TRAK2: variants seen among roughly 807,000 people sequenced by gnomAD.
The protein encoded by TRAK2 is trafficking kinesin protein 2.
Under a neutral mutation model 104.6 loss-of-function variants are expected in TRAK2, and 81 were observed. That is an observed-to-expected ratio of 0.77 (90% CI 0.65 to 0.93). The LOEUF (loss-of-function observed/expected upper bound fraction) is 0.93, where lower values mean the gene tolerates loss of function less well. TRAK2 is among the 40% of genes least tolerant of loss of function. The pLI is 0.00. For synonymous variants in TRAK2, 406 were observed against 394.4 expected (o/e 1.03, Z -0.35); for missense variants, 1,002 against 1,089.0 (o/e 0.92, Z 1.12).
intron 1 of TRAK2, among the ~76,000 whole-genome samples, chr2:201,426,043 G>A (rs1261645745): frequency 6.6e-6 from 1 of 152,016 alleles, no homozygotes; most frequent in Non-Finnish European, 1.5e-5. Flanking sequence ...TTCGCCTAAG[G>A]ACTCTACATC....
chr2:201,402,622 T>C (rs1218305054), intron 3 of TRAK2, among the ~76,000 whole-genome samples: 1 of 152,158 alleles, frequency 6.6e-6, no homozygotes, highest in Non-Finnish European at 1.5e-5. Flanking sequence ...CACAATATAA[T>C]TTGGTAGCAT....
At chr2:201,415,991 G>A (rs943856124) in intron 2 of TRAK2, among the ~76,000 whole-genome samples, 2 of 152,012 alleles carry the variant, frequency 1.3e-5, no homozygotes, top group Non-Finnish European at 2.9e-5. Flanking sequence ...CACTTGAAAT[G>A]AAATTATTCA....
chr2:201,412,932 G>C (rs1418064334), intron 2 of TRAK2: 3 of 777,640 alleles, frequency 3.9e-6, no homozygotes, highest in Non-Finnish European at 7.1e-6. Context: ...CAAGAACACT[G>C]GCTAAACTGG....
intron 1 of TRAK2, among the ~76,000 whole-genome samples, chr2:201,442,247 T>G (rs529879122): frequency 6.6e-6 from 1 of 151,246 alleles, no homozygotes; most frequent in African/African-American, 2.4e-5. Context: ...AAAAATTAGC[T>G]GGGCAAGGTG....
chr2:201,413,438 G>T (rs1951665787), intron 2 of TRAK2: 2 of 440,144 alleles, frequency 4.5e-6, no homozygotes, highest in Non-Finnish European at 8.0e-6. Flanking sequence ...GCAGCTGGAG[G>T]AGGGAAAGGG....
At chr2:201,381,448 G>T (rs1345764562) in intron 15 of TRAK2, among the ~76,000 whole-genome samples, 2 of 152,036 alleles carry the variant, frequency 1.3e-5, no homozygotes, top group Non-Finnish European at 2.9e-5. Flanking sequence ...CTTATTAAAA[G>T]ATATTTCTTT....
intron 2 of TRAK2, among the ~76,000 whole-genome samples, chr2:201,409,848 TTAAAA>T (rs1951628704): frequency 6.6e-6 from 1 of 152,248 alleles, no homozygotes; most frequent in African/African-American, 2.4e-5. Flanking sequence ...CATGTGGTAC[TTAAAA>T]TAGATGAGCT....
rs1951340194 is a variant in TRAK2, at chr2:201,381,129, C to A, written c.2159G>T (p.Ser720Ile). ...TCGGTTGGTGATGGACTCACCAATG[C>A]TGAGTCTATAGGACAAGGCAGGAGA... ...VNSPALSYRLSIGESITNRRD... is the reference protein window; with the variant it reads ...VNSPALSYRLIIGESITNRRD... Residue 720 changes from serine to isoleucine, a missense_variant, in exon 16 of 16, where the codon AGC becomes ATC. By Grantham distance (142) the Ser-to-Ile change is moderately radical (BLOSUM62 -2). Coordinates refer to ENST00000332624, the MANE Select transcript of TRAK2 (RefSeq NM_015049.3). The A allele has an allele frequency of 6.2e-7, 1 of 1,613,584 alleles. No homozygotes were observed. The highest frequency in any genetic ancestry group is 8.5e-7 in the Non-Finnish European group (1 of 1,179,904).
chr2:201,412,078 A>AG (rs36019823), intron 2 of TRAK2: 9 of 1,126,206 alleles, frequency 8.0e-6, no homozygotes, highest in Middle Eastern at 2.0e-4. Context: ...GCTTAAACAC[A>AG]GGGCCAAGTT....
chr2:201,410,854 G>A (rs775799327), intron 2 of TRAK2: 108 of 1,593,952 alleles, frequency 6.8e-5, no homozygotes, highest in Admixed American at 1.0e-4. Flanking sequence ...GGTTGGCTTC[G>A]CACCAGCAGG....
At chr2:201,409,422 G>C (rs902518933) in intron 2 of TRAK2, among the ~76,000 whole-genome samples, 2 of 152,108 alleles carry the variant, frequency 1.3e-5, no homozygotes, top group Admixed American at 1.3e-4. Flanking sequence ...TCAGAAGTTT[G>C]AATTTGAAAT....
chr2:201,399,777 C>A (rs141091460), intron 4 of TRAK2, among the ~76,000 whole-genome samples: 1 of 151,958 alleles, frequency 6.6e-6, no homozygotes, highest in East Asian at 1.9e-4. Context: ...GTCTAGCAAC[C>A]CAAACTTTAA....
intron 13 of TRAK2, among the ~76,000 whole-genome samples, chr2:201,387,114 A>G (rs143920771): frequency 6.6e-6 from 1 of 152,232 alleles, no homozygotes; most frequent in Non-Finnish European, 1.5e-5. Flanking sequence ...AGGGGTCTTT[A>G]TAAGTTACAC....
chr2:201,403,897 C>T lies in TRAK2; in HGVS notation c.287-2803G>A, dbSNP rs544016544. Among the ~76,000 whole-genome samples, 3 of 152,228 alleles carry T rather than the reference C, an allele frequency of 2.0e-5. No individual in the cohort carries two copies. In the East Asian group the frequency reaches 5.8e-4, roughly 29 times the overall value. On this transcript the variant is annotated intron_variant, in intron 3 of 15. Coordinates refer to ENST00000332624, the MANE Select transcript of TRAK2 (RefSeq NM_015049.3). ...CAAATTCTTATGTCGAATGCGCAAC[C>T]TAGATACTACCAATCCACAAAGGCT...
chr2:201,408,113 ATC>A (rs1314788733), intron 2 of TRAK2, among the ~76,000 whole-genome samples: 1 of 152,164 alleles, frequency 6.6e-6, no homozygotes, highest in Admixed American at 6.5e-5. Context: ...GTAATTTTGT[ATC>A]TGTTAACTAA....
In TRAK2 at chr2:201,386,415, G is replaced by C. The variant is rs1249616320; in HGVS notation, c.1766C>G (p.Pro589Arg). 1 of 1,614,168 alleles carries C rather than the reference G, an allele frequency of 6.2e-7. No individual in the cohort carries two copies. Among genetic ancestry groups the C allele is most frequent in the East Asian group, 2.2e-5 (1 of 44,890 alleles). ...PNLGTILDPRPGVITKGFTQL... is the reference protein window; with the variant it reads ...PNLGTILDPRRGVITKGFTQL... ...GGTAAAGCCTTTAGTAATGACACCT[G>C]GTCGTGGATCAAGGATGGTTCCCAA... The change falls in exon 14 of 16, where the codon CCA becomes CGA. Residue 589 changes from proline (P) to arginine (R), a missense_variant. Coordinates refer to ENST00000332624, the MANE Select transcript of TRAK2 (RefSeq NM_015049.3).
chr2:201,399,266 T>C (rs187733054), intron 5 of TRAK2, 111 bp downstream of exon 5: 2 of 667,468 alleles, frequency 3.0e-6, no homozygotes, highest in East Asian at 2.6e-5. Context: ...AGTGAACAAG[T>C]ACTGGTGTTA....
At chr2:201,383,926 A>C (rs1038427691) in intron 15 of TRAK2, among the ~76,000 whole-genome samples, 185 bp downstream of exon 15, 3 of 152,102 alleles carry the variant, frequency 2.0e-5, no homozygotes, top group African/African-American at 7.3e-5. Flanking sequence ...ATACATACTC[A>C]CTTGCCCTGC....
intron 6 of TRAK2, 184 bp downstream of exon 6, chr2:201,397,961 A>T: frequency 3.3e-6 from 2 of 609,322 alleles, no homozygotes; most frequent in South Asian, 4.2e-5. Context: ...ACCTGCTACT[A>T]TCCACTTTTC....
Sources: gnomAD v4.1 joint callset for allele counts (sites outside exome capture counted in the v4.1 genomes callset) on GRCh38, gnomAD v4.1.1 for gene constraint, MANE v1.5 for transcripts, NCBI Gene and HGNC (gene_info 2026-07-23, HGNC 2026-07-21) for gene names.